Variants in DTL observed in about 807,000 individuals in gnomAD.
DTL encodes the protein denticleless E3 ubiquitin protein ligase adapter.
A neutral mutation model predicts 87.0 loss-of-function variants in DTL; 46 were observed. The observed-to-expected ratio is 0.53, with a 90% CI of 0.42 to 0.68. The LOEUF is 0.68. Ranked by LOEUF, DTL falls within the 30% of genes least tolerant of loss-of-function variation. The pLI is 0.00. For missense variants in DTL, 737 were observed against 869.4 expected, an observed-to-expected ratio of 0.85 and a Z score of 1.91; for synonymous variants, 308 against 311.2, an observed-to-expected ratio of 0.99 and a Z score of 0.11.
intron 9 of DTL, 106 bp downstream of exon 9, chr1:212,068,433 G>T: frequency 1.1e-6 from 1 of 886,730 alleles, no homozygotes; most frequent in South Asian, 1.8e-5. Context: ...AATATGTGAA[G>T]TTCAAAAGAT....
At position 212,047,297 on chromosome 1, in the gene DTL, G is replaced by A; in HGVS notation, c.340G>A (p.Val114Ile). 2 of 1,614,106 alleles carry A rather than the reference G, an allele frequency of 1.2e-6. No homozygotes were observed. Among genetic ancestry groups the A allele is most frequent in the Non-Finnish European group, 1.7e-6 (2 of 1,180,020 alleles). Residue 114 changes from valine to isoleucine, a missense_variant and splice_region_variant, in exon 5 of 15, where the codon GTT becomes ATT. By Grantham distance (29) the Val-to-Ile change is conservative. Transcript: ENST00000366991. ...LAWVPGELKL[V>I]TAAGDQTAKF... Reference sequence around the variant, plus strand: ...ATTGTGTTTACCTTATTTTTGAAAGGTTACAGCAGCAGGTGATCAAACAGC... The same window carrying A: ...ATTGTGTTTACCTTATTTTTGAAAGATTACAGCAGCAGGTGATCAAACAGC...
chr1:212,072,095 T>C lies in DTL; in HGVS notation c.923-6T>C. On this transcript the variant is annotated splice_region_variant and splice_polypyrimidine_tract_variant and intron_variant, in intron 10 of 14. Transcript: ENST00000366991. Reference sequence around the variant, plus strand: ...GCCAAGTAATTTGGTTTTTTTCCTCTGGCAGTGGCTATTTTCAATGGACAC... The same window carrying C: ...GCCAAGTAATTTGGTTTTTTTCCTCCGGCAGTGGCTATTTTCAATGGACAC... 1 of 1,612,278 alleles carries C rather than the reference T, an allele frequency of 6.2e-7. No homozygotes were observed. The highest frequency in any genetic ancestry group is 8.5e-7 in the Non-Finnish European group (1 of 1,178,476).
chr1:212,068,570 A>T (rs373190277), intron 9 of DTL, 29 bp from the exon 10 acceptor site: 6 of 1,378,082 alleles, frequency 4.4e-6, no homozygotes, highest in Non-Finnish European at 5.2e-6. Context: ...CATCATCAGG[A>T]CGTGCTAACT....
intron 9 of DTL, 36 bp downstream of exon 9, chr1:212,068,363 G>A (rs1654572565): frequency 8.7e-7 from 1 of 1,149,396 alleles, no homozygotes; most frequent in Middle Eastern, 2.0e-4. Context: ...GGAGATAAGA[G>A]TTTTTGTTTA....
At chr1:212,083,955 T>C (rs146486615) in intron 13 of DTL, among the ~76,000 whole-genome samples, 227 of 152,336 alleles carry the variant, frequency 1.5e-3, no homozygotes, top group African/African-American at 5.3e-3. Flanking sequence ...AACTGTCTTA[T>C]CTTTAAGCTT....
At chr1:212,079,016 T>C (rs978844435) in intron 12 of DTL, among the ~76,000 whole-genome samples, 4 of 152,154 alleles carry the variant, frequency 2.6e-5, no homozygotes, top group Admixed American at 6.5e-5. Flanking sequence ...TTTTGTTGCC[T>C]ATTGTTCCCA....
chr1:212,043,156 A>C (rs752437081), intron 2 of DTL, 38 bp downstream of exon 2: 1 of 1,589,494 alleles, frequency 6.3e-7, no homozygotes, highest in East Asian at 2.3e-5. Flanking sequence ...TTGGACAGAA[A>C]TGATCTATTT....
At chr1:212,075,262 C>T (rs1654795199) in intron 11 of DTL, among the ~76,000 whole-genome samples, 1 of 152,160 alleles carries the variant, frequency 6.6e-6, no homozygotes, top group Admixed American at 6.5e-5. Flanking sequence ...CCACTTACTT[C>T]TAGAGGTACC....
intron 5 of DTL, among the ~76,000 whole-genome samples, chr1:212,061,071 A>T (rs142820072): frequency 8.5e-5 from 13 of 152,220 alleles, no homozygotes; most frequent in Admixed American, 8.5e-4. Flanking sequence ...GCAAACACAG[A>T]CTGGGCAATG....
At chr1:212,044,147 T>A (rs561135287) in intron 2 of DTL, among the ~76,000 whole-genome samples, 1 of 152,160 alleles carries the variant, frequency 6.6e-6, no homozygotes, top group Admixed American at 6.5e-5. Context: ...AATAAAAATA[T>A]GGTTAAAAAA....
intron 13 of DTL, among the ~76,000 whole-genome samples, chr1:212,085,389 G>T (rs1303781089): frequency 6.6e-6 from 1 of 152,182 alleles, no homozygotes; most frequent in Non-Finnish European, 1.5e-5. Context: ...ATATTTTCCT[G>T]ATGGCCAGTG....
intron 1 of DTL, 86 bp downstream of exon 1, chr1:212,036,028 A>T: frequency 8.4e-7 from 1 of 1,189,622 alleles, no homozygotes; most frequent in East Asian, 2.5e-5. Flanking sequence ...GGCCGACTCC[A>T]ATTCTGAACT....
chr1:212,050,359 C>G (rs1300089474), intron 5 of DTL, among the ~76,000 whole-genome samples: 1 of 152,072 alleles, frequency 6.6e-6, no homozygotes, highest in Non-Finnish European at 1.5e-5. Context: ...AATTTGCCTT[C>G]CCTAAGTATC....
intron 5 of DTL, among the ~76,000 whole-genome samples, chr1:212,057,394 C>A (rs749774122): frequency 5.4e-5 from 8 of 148,960 alleles, no homozygotes; most frequent in African/African-American, 2.0e-4. Context: ...AAGAATACTA[C>A]ACCCAGTAAA....
At chr1:212,059,898 A>C (rs1668291961) in intron 5 of DTL, among the ~76,000 whole-genome samples, 1 of 152,050 alleles carries the variant, frequency 6.6e-6, no homozygotes, top group African/African-American at 2.4e-5. Flanking sequence ...ATTAGCTGAG[A>C]GAGAAATCAG....
At chr1:212,054,792 C>CAAAAA (rs756328781) in intron 5 of DTL, among the ~76,000 whole-genome samples, 6 of 68,498 alleles carry the variant, frequency 8.8e-5, no homozygotes, top group Admixed American at 1.7e-4. Flanking sequence ...GACACCACCT[C>CAAAAA]AAAAAAAAAA....
chr1:212,051,418 G>A, intron 5 of DTL: 2 of 496,846 alleles, frequency 4.0e-6, no homozygotes, highest in Non-Finnish European at 6.6e-6. Flanking sequence ...ATTCTCGAAG[G>A]ACATTTTTGT....
chr1:212,062,451 CTGCCAG>C (rs1654356763), intron 5 of DTL, among the ~76,000 whole-genome samples: 1 of 152,148 alleles, frequency 6.6e-6, no homozygotes, highest in South Asian at 2.1e-4. Flanking sequence ...TGGATTCATA[CTGCCAG>C]GAATACCTTT....
At chr1:212,056,485 C>A (rs537105162) in intron 5 of DTL, among the ~76,000 whole-genome samples, 34 of 152,302 alleles carry the variant, frequency 2.2e-4, no homozygotes, top group Admixed American at 4.6e-4. Flanking sequence ...GATACATCTT[C>A]AGGAAAATGT....
Sources: allele counts gnomAD v4.1 joint callset (sites outside exome capture counted in the v4.1 genomes callset), GRCh38; gene constraint gnomAD v4.1.1; transcripts MANE v1.5; gene names NCBI Gene and HGNC (gene_info 2026-07-23, HGNC 2026-07-21).